The following WDR7 variants were observed in gnomAD, a reference collection of about 807,000 sequenced individuals.
The protein encoded by WDR7 is WD repeat domain 7.
WDR7 carries 46 observed loss-of-function variants against 169.4 expected under a neutral mutation model. The ratio of observed to expected loss-of-function variants is 0.27; its 90% CI spans 0.21 to 0.35. The LOEUF is 0.35. WDR7 is among the 10% of genes least tolerant of loss of function. The pLI, the probability that WDR7 is intolerant of heterozygous loss-of-function variation, is 1.00. For missense variants in WDR7, 1,534 were observed against 1,859.3 expected (o/e 0.83, Z 3.22); for synonymous variants, 612 against 666.8 (o/e 0.92, Z 1.27).
intron 20 of WDR7, among the ~76,000 whole-genome samples, chr18:56,835,662 A>G (rs1196860283): frequency 6.6e-6 from 1 of 152,186 alleles, no homozygotes; most frequent in Non-Finnish European, 1.5e-5. Flanking sequence ...ATCTGCTGTC[A>G]TTTTTGTGAC....
At chr18:56,806,267 T>A (rs1252175316) in intron 19 of WDR7, among the ~76,000 whole-genome samples, 1 of 152,180 alleles carries the variant, frequency 6.6e-6, no homozygotes, top group South Asian at 2.1e-4. Context: ...GTTAAATGAA[T>A]AAATTTTTCC....
At chr18:56,689,238 T>C (rs1442263746) in intron 7 of WDR7, among the ~76,000 whole-genome samples, 2 of 152,184 alleles carry the variant, frequency 1.3e-5, no homozygotes, top group Admixed American at 1.3e-4. Flanking sequence ...CATTTTCCCC[T>C]AATTTTTATA....
intron 21 of WDR7, among the ~76,000 whole-genome samples, chr18:56,882,834 A>G (rs929413941): frequency 1.6e-4 from 25 of 152,222 alleles, no homozygotes; most frequent in African/African-American, 4.8e-4. Flanking sequence ...TCTCAACACC[A>G]TCCTTTTGTA....
intron 21 of WDR7, among the ~76,000 whole-genome samples, chr18:56,923,348 CA>C (rs1251269071): frequency 6.6e-6 from 1 of 152,176 alleles, no homozygotes; most frequent in Non-Finnish European, 1.5e-5. Context: ...ACACGTTTAA[CA>C]AAATCATATG....
At chr18:56,791,389 G>T (rs1167856833) in intron 19 of WDR7, among the ~76,000 whole-genome samples, 2 of 152,210 alleles carry the variant, frequency 1.3e-5, no homozygotes, top group East Asian at 1.9e-4. Flanking sequence ...TAGATACAAA[G>T]ATGTAAATTA....
chr18:56,728,682 A>G (rs1488104221), intron 13 of WDR7, among the ~76,000 whole-genome samples: 1 of 151,852 alleles, frequency 6.6e-6, no homozygotes, highest in Non-Finnish European at 1.5e-5. Context: ...TTAGACTTCA[A>G]CCTTCTGTGC....
At chr18:56,839,171 T>G (rs1218656941) in intron 20 of WDR7, among the ~76,000 whole-genome samples, 1 of 152,146 alleles carries the variant, frequency 6.6e-6, no homozygotes, top group Non-Finnish European at 1.5e-5. Context: ...TATTTTTAGG[T>G]ACATGTGATA....
At chr18:56,908,767 C>CA (rs774014571) in intron 21 of WDR7, among the ~76,000 whole-genome samples, 3 of 152,192 alleles carry the variant, frequency 2.0e-5, no homozygotes, top group Non-Finnish European at 4.4e-5. Context: ...GGTGGACTGC[C>CA]ACCTACCAGT....
chr18:56,813,504 C>T (rs1376110820), intron 19 of WDR7, among the ~76,000 whole-genome samples: 1 of 151,030 alleles, frequency 6.6e-6, no homozygotes, highest in Non-Finnish European at 1.5e-5. Context: ...TGAATTTTGT[C>T]AAATGATTGA....
chr18:56,841,395 T>A (rs1046080626), intron 20 of WDR7, among the ~76,000 whole-genome samples: 4 of 151,462 alleles, frequency 2.6e-5, no homozygotes, highest in African/African-American at 9.7e-5. Flanking sequence ...CAGAAAAAAA[T>A]TAGCTGGGCG....
intron 2 of WDR7, among the ~76,000 whole-genome samples, chr18:56,674,211 A>G (rs1178618956): frequency 6.6e-6 from 1 of 152,226 alleles, no homozygotes; most frequent in East Asian, 1.9e-4. Flanking sequence ...AGGAACTGCC[A>G]GACTGTTTTC....
chr18:56,694,133 G>GA (rs777186641), intron 9 of WDR7, among the ~76,000 whole-genome samples: 1 of 151,756 alleles, frequency 6.6e-6, no homozygotes, highest in Non-Finnish European at 1.5e-5. Flanking sequence ...TCATTGTTGG[G>GA]ATTACAAGCA....
chr18:56,927,628 A>AT (rs1447690205), intron 22 of WDR7, among the ~76,000 whole-genome samples: 3 of 151,954 alleles, frequency 2.0e-5, no homozygotes, highest in Non-Finnish European at 4.4e-5. Context: ...AAAATAGAGT[A>AT]TTTTTCCAGA....
intron 22 of WDR7, among the ~76,000 whole-genome samples, chr18:56,931,337 A>G (rs937604696): frequency 6.6e-6 from 1 of 152,252 alleles, no homozygotes; most frequent in Non-Finnish European, 1.5e-5. Flanking sequence ...ATTAAAATAT[A>G]TCACACAGAC....
chr18:56,725,861 C>T (rs1293646810), intron 13 of WDR7, among the ~76,000 whole-genome samples: 1 of 152,136 alleles, frequency 6.6e-6, no homozygotes, highest in Non-Finnish European at 1.5e-5. Flanking sequence ...CCAGTTTCAG[C>T]TTTCTACATA....
intron 20 of WDR7, among the ~76,000 whole-genome samples, chr18:56,822,837 CAG>C (rs2045121924): frequency 6.6e-6 from 1 of 151,938 alleles, no homozygotes; most frequent in South Asian, 2.1e-4. Flanking sequence ...TTCATGAAAA[CAG>C]ATATTAAGAA....
At chr18:56,816,695 A>G (rs2145218162) in intron 20 of WDR7, among the ~76,000 whole-genome samples, 1 of 150,740 alleles carries the variant, frequency 6.6e-6, no homozygotes, top group East Asian at 1.9e-4. Context: ...CTCACACACT[A>G]TAAATGTTTA....
intron 14 of WDR7, among the ~76,000 whole-genome samples, chr18:56,749,386 TTGTGTGTGTGTG>T (rs71863855): frequency 8.7e-5 from 13 of 148,606 alleles, no homozygotes; most frequent in African/African-American, 2.2e-4. Context: ...GTGTGTGTGT[TTGTGTGTGTGTG>T]TGTGTGTGTG....
Position 57,027,210 on chromosome 18 carries a change from C to G in WDR7, c.*3C>G, listed in dbSNP as rs746939214. 3 of 1,610,038 alleles carry G rather than the reference C, an allele frequency of 1.9e-6. No homozygotes were observed. On this transcript the variant is annotated 3_prime_UTR_variant, in exon 28 of 28. Transcript: ENST00000254442. The stretch of plus-strand genomic sequence containing the variant: ...AGGAGCACCGCTTCATGGTCTAATG[C>G]TGCTGCCTGCCGCCGTGACTGCGTT...
Sources: gnomAD v4.1 joint callset for allele counts (sites outside exome capture counted in the v4.1 genomes callset) on GRCh38, gnomAD v4.1.1 for gene constraint, MANE v1.5 for transcripts, NCBI Gene and HGNC (gene_info 2026-07-23, HGNC 2026-07-21) for gene names.